Variants in CXCL13 observed in about 807,000 individuals in gnomAD.
CXCL13 encodes the protein C-X-C motif chemokine ligand 13.
CXCL13 carries 7 observed loss-of-function variants against 12.2 expected under a neutral mutation model. The observed-to-expected ratio is 0.57, with a 90% CI of 0.33 to 1.07. CXCL13 has a LOEUF of 1.07. Ranked by LOEUF, CXCL13 falls within the 50% of genes least tolerant of loss-of-function variation. CXCL13 has a pLI of 0.04. For missense variants in CXCL13, 113 were observed against 127.4 expected, an observed-to-expected ratio of 0.89 and a Z score of 0.55; for synonymous variants, 47 against 42.4, an observed-to-expected ratio of 1.11 and a Z score of -0.42.
chr4:77,546,356 C>A (rs1011635633), intron 1 of CXCL13, among the ~76,000 whole-genome samples: 1 of 152,108 alleles, frequency 6.6e-6, no homozygotes, highest in Non-Finnish European at 1.5e-5. Context: ...TGGTAGAATT[C>A]GGCTGTGAAT....
intron 1 of CXCL13, among the ~76,000 whole-genome samples, chr4:77,568,057 T>A (rs1168511185): frequency 6.6e-6 from 1 of 152,202 alleles, no homozygotes; most frequent in Admixed American, 6.5e-5. Context: ...CCCAATGGAC[T>A]CCCAGGCTGA....
chr4:77,549,528 TG>T (rs747191347), intron 1 of CXCL13, among the ~76,000 whole-genome samples: 13 of 152,222 alleles, frequency 8.5e-5, no homozygotes, highest in Non-Finnish European at 1.5e-4. Flanking sequence ...TTGGTGTGGA[TG>T]TTCTTTTGTT....
At chr4:77,553,412 C>A (rs1725580564) in intron 1 of CXCL13, among the ~76,000 whole-genome samples, 1 of 152,178 alleles carries the variant, frequency 6.6e-6, no homozygotes, top group Non-Finnish European at 1.5e-5. Context: ...GGTGTCCTGC[C>A]CTCAGTTCCA....
chr4:77,549,900 G>A (rs355672), intron 1 of CXCL13, among the ~76,000 whole-genome samples: 2,264 of 152,330 alleles, frequency 0.015, 21 homozygotes, highest in Non-Finnish European at 0.022. Context: ...GTTTAAGTCT[G>A]CAGAAGTTTC....
In CXCL13 at chr4:77,531,098, T is replaced by TTTG. The variant is rs1724904312; in HGVS notation, c.-43+19312_-43+19313insGTT. Reference sequence around the variant, plus strand: ...ATTTGAGTGTTTTTGAGTGAGTTTCTTTATTATTATTATTATTATTATTAT... The same window carrying TTTG: ...ATTTGAGTGTTTTTGAGTGAGTTTCTTTGTTATTATTATTATTATTATTATTAT... On this transcript the variant is annotated intron_variant, in intron 1 of 4. Coordinates refer to the CXCL13 transcript ENST00000286758. Among the ~76,000 whole-genome samples the TTTG allele has an allele frequency of 2.1e-5, 3 of 144,346 alleles. No individual in the cohort carries two copies. The Admixed American group carries it at 2.1e-4, about 10-fold the overall frequency. 94.7% of individuals were successfully genotyped at this position (144,346 alleles called of 152,430 possible).
At chr4:77,555,505 A>T (rs1329097155) in intron 1 of CXCL13, among the ~76,000 whole-genome samples, 1 of 152,108 alleles carries the variant, frequency 6.6e-6, no homozygotes, top group African/African-American at 2.4e-5. Context: ...CCTCACAGTA[A>T]ATGCAAGACT....
chr4:77,582,908 A>C lies in CXCL13; in HGVS notation c.-42-22916A>C, dbSNP rs80205534. On this transcript the variant is annotated intron_variant, in intron 1 of 4. Transcript: ENST00000286758. ...AATGTGGACTTTTGGAACACCAACC[A>C]AACTCAGAAAATTTCAAGGCTTTCC... 1.0e-3 allele frequency among the ~76,000 whole-genome samples: 157 copies of C among 152,316 alleles called. 3 individuals carry two copies. In the East Asian group the frequency reaches 0.026, roughly 25 times the overall value.
chr4:77,547,106 A>T (rs1251636612), intron 1 of CXCL13, among the ~76,000 whole-genome samples: 2 of 152,184 alleles, frequency 1.3e-5, no homozygotes, highest in African/African-American at 4.8e-5. Flanking sequence ...TCTGAGAGAC[A>T]GTTTGTTGTG....
At chr4:77,533,336 C>A (rs1264598371) in intron 1 of CXCL13, among the ~76,000 whole-genome samples, 1 of 152,202 alleles carries the variant, frequency 6.6e-6, no homozygotes, top group Non-Finnish European at 1.5e-5. Context: ...GCAGCAGAGG[C>A]TGCACAACAG....
intron 1 of CXCL13, among the ~76,000 whole-genome samples, chr4:77,539,872 G>GA (rs1283788701): frequency 6.6e-6 from 1 of 152,042 alleles, no homozygotes; most frequent in Admixed American, 6.6e-5. Context: ...GGTAGGGGGG[G>GA]AATCCCTATC....
rs1231497361 is a variant in CXCL13 at position 77,545,017 on chromosome 4, T to C, written c.-43+33229T>C. On this transcript the variant is annotated intron_variant, in intron 1 of 4. Coordinates refer to the CXCL13 transcript ENST00000286758. ...ATTAAATAGGGAATCCTTTCCCCATTTCTTGTTTTTGTCAGATTTGTCAAA... is the reference window on the plus strand; with the variant it reads ...ATTAAATAGGGAATCCTTTCCCCATCTCTTGTTTTTGTCAGATTTGTCAAA... 2.0e-5 allele frequency among the ~76,000 whole-genome samples: 3 copies of C among 152,156 alleles called. No homozygotes were observed. In the East Asian group the frequency reaches 5.8e-4, roughly 29 times the overall value.
chr4:77,544,675 A>G (rs1405962531), intron 1 of CXCL13, among the ~76,000 whole-genome samples: 1 of 151,812 alleles, frequency 6.6e-6, no homozygotes, highest in East Asian at 1.9e-4. Context: ...GATTGCAAAA[A>G]TTTTCTCCCA....
intron 1 of CXCL13, among the ~76,000 whole-genome samples, chr4:77,520,975 A>G (rs1043696340): frequency 2.0e-5 from 3 of 152,166 alleles, no homozygotes; most frequent in Admixed American, 6.6e-5. Flanking sequence ...TGAGATAATC[A>G]TGTGGTTTTT....
intron 1 of CXCL13, among the ~76,000 whole-genome samples, chr4:77,515,930 T>C (rs1181572687): frequency 1.3e-5 from 2 of 152,240 alleles, no homozygotes; most frequent in Non-Finnish European, 2.9e-5. Context: ...TTCAGTATGA[T>C]ATTGACTGTG....
chr4:77,523,828 T>C (rs111683510), intron 1 of CXCL13, among the ~76,000 whole-genome samples: 6,499 of 152,322 alleles, frequency 0.043, 197 homozygotes, highest in Non-Finnish European at 0.066. Context: ...CTGCTCTGGT[T>C]TCTCCCCATC....
chr4:77,608,002 C>T (rs561239882), intron 2 of CXCL13, among the ~76,000 whole-genome samples, 167 bp downstream of exon 2: 1 of 152,166 alleles, frequency 6.6e-6, no homozygotes, highest in Non-Finnish European at 1.5e-5. Context: ...GCTTAGTTTG[C>T]AGCAGCCCTG....
At chr4:77,553,463 C>A (rs553503056) in intron 1 of CXCL13, among the ~76,000 whole-genome samples, 2 of 152,334 alleles carry the variant, frequency 1.3e-5, no homozygotes, top group South Asian at 4.1e-4. Flanking sequence ...GTGTCTTTCC[C>A]TCATAGCACC....
intron 1 of CXCL13, among the ~76,000 whole-genome samples, chr4:77,562,339 G>A (rs1020649418): frequency 3.3e-5 from 5 of 151,988 alleles, no homozygotes; most frequent in Non-Finnish European, 4.4e-5. Flanking sequence ...CACAAGGCAC[G>A]GGATTGGCAG....
chr4:77,608,362 C>A lies in CXCL13; in HGVS notation c.197+527C>A, dbSNP rs541923397. 1.4e-4 allele frequency among the ~76,000 whole-genome samples: 22 copies of A among 152,092 alleles called. No homozygotes were observed. The South Asian group carries it at 4.6e-3, about 32-fold the overall frequency. Reference sequence around the variant, plus strand: ...GGCTGAGGCAGGAGAACCGCTTGAACCTGGGAGGCGGAGGTTGCGGTGAGC... The same window carrying A: ...GGCTGAGGCAGGAGAACCGCTTGAAACTGGGAGGCGGAGGTTGCGGTGAGC... On this transcript the variant is annotated intron_variant, in intron 2 of 3. Coordinates refer to ENST00000682537, the MANE Select transcript of CXCL13 (RefSeq NM_001371558.1).
Sources: allele counts gnomAD v4.1 joint callset (sites outside exome capture counted in the v4.1 genomes callset), GRCh38; gene constraint gnomAD v4.1.1; transcripts MANE v1.5; gene names NCBI Gene and HGNC (gene_info 2026-07-23, HGNC 2026-07-21).